Variants in NRG1 observed in about 807,000 individuals in gnomAD.
The protein encoded by NRG1 is pro-neuregulin-1, membrane-bound isoform.
A neutral mutation model predicts 63.8 loss-of-function variants in NRG1; 18 were observed. The observed-to-expected ratio is 0.28, with a 90% CI of 0.19 to 0.42. The LOEUF (loss-of-function observed/expected upper bound fraction) is 0.42. Ranked by LOEUF, NRG1 falls within the 10% of genes least tolerant of loss-of-function variation. NRG1 has a pLI of 1.00. For missense variants in NRG1, 762 were observed against 814.7 expected, an observed-to-expected ratio of 0.94 and a Z score of 0.79; for synonymous variants, 302 against 301.3, an observed-to-expected ratio of 1.00 and a Z score of -0.02.
At chr8:32,165,344 A>G (rs754481792) in intron 1 of NRG1, among the ~76,000 whole-genome samples, 4 of 151,974 alleles carry the variant, frequency 2.6e-5, no homozygotes, top group African/African-American at 4.8e-5. Context: ...GAGTCTCACT[A>G]TGTTTACCAG....
At position 32,238,586 on chromosome 8, in the gene NRG1, C is replaced by A. The variant is rs376043049; in HGVS notation, c.38-357242C>A. On this transcript the variant is annotated intron_variant, in intron 1 of 10. Transcript: ENST00000519301. Reference sequence around the variant, plus strand: ...TTGGCTGAAGGGAGAGAGAGGATACCATTCTTGCATAGTCTTCAGGGCAGC... The same window carrying A: ...TTGGCTGAAGGGAGAGAGAGGATACAATTCTTGCATAGTCTTCAGGGCAGC... Among the ~76,000 whole-genome samples the A allele has an allele frequency of 1.8e-4, 27 of 152,090 alleles. 1 individual carries two copies. The highest frequency in any genetic ancestry group is 6.0e-4 in the African/African-American group (25 of 41,498).
chr8:32,411,483 C>G (rs1180341514), intron 1 of NRG1, among the ~76,000 whole-genome samples: 1 of 152,196 alleles, frequency 6.6e-6, no homozygotes, highest in Non-Finnish European at 1.5e-5. Context: ...TACCTCAATT[C>G]AGTCCAGTTT....
rs147978210 is a variant in NRG1, at chr8:31,639,658, C to T, written c.37+227C>T. Reference sequence around the variant, plus strand: ...GGTGACAGCAGCCCCGACAGCAGGGCTCGGGCGCGGCGGCGGCGCGGGGGG... The same window carrying T: ...GGTGACAGCAGCCCCGACAGCAGGGTTCGGGCGCGGCGGCGGCGCGGGGGG... On this transcript the variant is annotated intron_variant, in intron 1 of 10. Coordinates refer to the NRG1 transcript ENST00000519301. 9.9e-4 allele frequency: 1,382 copies of T among 1,396,804 alleles called. 12 individuals are homozygous for T. In the African/African-American group the frequency reaches 0.017, roughly 17 times the overall value. 86.5% of individuals were successfully genotyped at this position (1,396,804 alleles called of 1,614,324 possible).
At chr8:32,029,789 C>T (rs1322765824) in intron 1 of NRG1, among the ~76,000 whole-genome samples, 1 of 151,930 alleles carries the variant, frequency 6.6e-6, no homozygotes, top group Non-Finnish European at 1.5e-5. Context: ...GTATTAAATA[C>T]TTAACAATTG....
chr8:31,804,295 C>G (rs1287888851), intron 1 of NRG1, among the ~76,000 whole-genome samples: 1 of 152,182 alleles, frequency 6.6e-6, no homozygotes, highest in Admixed American at 6.5e-5. Flanking sequence ...AGCATCCCAG[C>G]CTGTCTAGTG....
intron 1 of NRG1, among the ~76,000 whole-genome samples, chr8:31,856,694 T>C (rs949431127): frequency 7.2e-5 from 11 of 152,164 alleles, no homozygotes; most frequent in African/African-American, 2.4e-4. Context: ...TCGCTCTGCT[T>C]TTTAGAGTTT....
At chr8:31,856,872 G>A (rs1364662297) in intron 1 of NRG1, among the ~76,000 whole-genome samples, 1 of 152,036 alleles carries the variant, frequency 6.6e-6, no homozygotes, top group African/African-American at 2.4e-5. Flanking sequence ...GTACCCGGCC[G>A]TGTGAGGTGT....
At chr8:32,495,683 G>C (rs1348267721) in intron 1 of NRG1, among the ~76,000 whole-genome samples, 3 of 152,086 alleles carry the variant, frequency 2.0e-5, no homozygotes. Context: ...GGCTGGTCTC[G>C]AACCCTGACT....
intron 1 of NRG1, among the ~76,000 whole-genome samples, chr8:32,156,585 T>C (rs888769619): frequency 2.0e-5 from 3 of 152,238 alleles, no homozygotes; most frequent in Non-Finnish European, 4.4e-5. Flanking sequence ...TAGAAGTGCC[T>C]GAGTTCAGGC....
In NRG1 at chr8:32,723,688, CAAAAAAAAAAAAAAAA is replaced by C. The variant is rs530225180; in HGVS notation, c.503-4246_503-4231del. 1.2e-3 allele frequency among the ~76,000 whole-genome samples: 42 copies of C among 33,850 alleles called. 1 individual carries two copies. The East Asian group carries it at 0.058, about 47-fold the overall frequency. The allele number at this position is 33,850 out of a possible 152,430, so 22.2% of individuals were successfully genotyped here. ...CTGGCAACAGAGCTAGACTCCATCTCAAAAAAAAAAAAAAAAAAAAAAAAAAAAAACAATTGTGGAA... is the reference window on the plus strand; with the variant it reads ...CTGGCAACAGAGCTAGACTCCATCTCAAAAAAAAAAAAAACAATTGTGGAA... On this transcript the variant is annotated intron_variant, in intron 5 of 11. Transcript: ENST00000356819.
intron 1 of NRG1, among the ~76,000 whole-genome samples, chr8:31,770,867 G>C (rs1449006306): frequency 6.6e-6 from 1 of 151,342 alleles, no homozygotes; most frequent in Non-Finnish European, 1.5e-5. Context: ...TAATGCTACG[G>C]ACAGTTCCCA....
chr8:32,449,032 C>T (rs188735019), intron 1 of NRG1, among the ~76,000 whole-genome samples: 26 of 152,194 alleles, frequency 1.7e-4, no homozygotes, highest in African/African-American at 5.5e-4. Context: ...TGATGGCTCA[C>T]GCCTCTAATC....
At chr8:32,735,964 G>A (rs138884816) in intron 6 of NRG1, among the ~76,000 whole-genome samples, 7 of 151,744 alleles carry the variant, frequency 4.6e-5, no homozygotes, top group Non-Finnish European at 8.8e-5. Flanking sequence ...GCCACTCTAT[G>A]TATCCTCTTA....
intron 1 of NRG1, among the ~76,000 whole-genome samples, chr8:31,759,598 G>A (rs1032032565): frequency 1.3e-5 from 2 of 152,062 alleles, no homozygotes; most frequent in African/African-American, 4.8e-5. Context: ...TTTGTCTACT[G>A]TATGCCAGTA....
At chr8:32,462,208 T>C (rs1236597467) in intron 1 of NRG1, among the ~76,000 whole-genome samples, 24 of 152,204 alleles carry the variant, frequency 1.6e-4, no homozygotes, top group Non-Finnish European at 1.5e-5. Flanking sequence ...TGTCTTGTCC[T>C]GAAAGAAATT....
chr8:32,097,124 A>G (rs911014055), intron 1 of NRG1, among the ~76,000 whole-genome samples: 1 of 152,174 alleles, frequency 6.6e-6, no homozygotes, highest in Admixed American at 6.5e-5. Context: ...GGCTTATTTC[A>G]TGTAACATAA....
intron 8 of NRG1, 89 bp downstream of exon 8, chr8:32,754,563 C>T (rs1414281429): frequency 2.5e-6 from 3 of 1,202,884 alleles, no homozygotes; most frequent in East Asian, 2.4e-5. Flanking sequence ...GCTCCACAGC[C>T]TAGTCTTGGG....
chr8:32,756,367 T>C (rs1486942652), intron 8 of NRG1, 36 bp from the exon 9 acceptor site: 9 of 1,595,906 alleles, frequency 5.6e-6, no homozygotes, highest in Non-Finnish European at 7.7e-6. Context: ...ATGAAAATAA[T>C]CAAAAAAAAA....
At chr8:31,761,215 C>G (rs981531458) in intron 1 of NRG1, among the ~76,000 whole-genome samples, 1 of 152,008 alleles carries the variant, frequency 6.6e-6, no homozygotes, top group Admixed American at 6.6e-5. Context: ...AAAAACCAAA[C>G]ACCTCTTGTT....
Sources: gnomAD v4.1 joint callset for allele counts (sites outside exome capture counted in the v4.1 genomes callset) on GRCh38, gnomAD v4.1.1 for gene constraint, MANE v1.5 for transcripts, NCBI Gene and HGNC (gene_info 2026-07-23, HGNC 2026-07-21) for gene names.